Variants in STARD13 observed in about 807,000 individuals in gnomAD.
STARD13 encodes StAR related lipid transfer domain containing 13.
In STARD13, 62 loss-of-function variants were observed where a neutral mutation model predicts 106.4. That is an observed-to-expected ratio of 0.58 (90% CI 0.48 to 0.72). The LOEUF is 0.72. STARD13 is among the 30% of genes least tolerant of loss of function. The pLI, the probability that STARD13 is intolerant of heterozygous loss-of-function variation, is 0.00. For missense variants in STARD13, 1,387 were observed against 1,424.0 expected (o/e 0.97, Z 0.42); for synonymous variants, 565 against 553.0 (o/e 1.02, Z -0.31).
intron 1 of STARD13, among the ~76,000 whole-genome samples, chr13:33,233,312 C>G (rs149535536): frequency 6.6e-6 from 1 of 152,202 alleles, no homozygotes; most frequent in South Asian, 2.1e-4. Flanking sequence ...GTCAGGCCCA[C>G]CTTTGAGTGG....
chr13:33,626,474 T>A, the STARD13 span, among the ~76,000 whole-genome samples: 1 of 152,192 alleles, frequency 6.6e-6, no homozygotes, highest in Non-Finnish European at 1.5e-5. Context: ...ACCTACCTTA[T>A]TATCTATCTC....
the STARD13 span, among the ~76,000 whole-genome samples, chr13:33,404,039 A>G: frequency 6.6e-6 from 1 of 152,184 alleles, no homozygotes; most frequent in African/African-American, 2.4e-5. Flanking sequence ...TTTCATCGTT[A>G]GTTTAATAGC....
chr13:33,405,656 A>G, the STARD13 span, among the ~76,000 whole-genome samples: 1 of 152,276 alleles, frequency 6.6e-6, no homozygotes, highest in Admixed American at 6.5e-5. Context: ...GCAGCCTTCC[A>G]TTCCATGGTT....
At chr13:33,355,577 C>G (rs151039789), upstream of STARD13, 67 of 152,308 alleles carry the variant, frequency 4.4e-4, no homozygotes, top group African/African-American at 1.3e-3. Context: ...GCTCTCGCAA[C>G]TCTCTCCCTG....
At chr13:33,306,082 C>G (rs1173954834) in intron 1 of STARD13, among the ~76,000 whole-genome samples, 1 of 152,130 alleles carries the variant, frequency 6.6e-6, no homozygotes, top group African/African-American at 2.4e-5. Context: ...AACTATACTA[C>G]AAGGCTACAG....
rs1874809228 is a variant in STARD13 at position 33,112,819 on chromosome 13, G to T, written c.2394C>A (p.Asn798Lys). Residue 798 changes from asparagine to lysine, a missense_variant, in exon 9 of 14, where the codon AAC (asparagine) becomes AAA (lysine). Coordinates refer to ENST00000336934, the MANE Select transcript of STARD13 (RefSeq NM_178006.4). ...GCGTCATCTGATTCTCTTCCACCAA[G>T]TTGACGACGTCGTTCAGGAAACACA... ...TLLCFLNDVVNLVEENQMTPM... is the reference protein window; with the variant it reads ...TLLCFLNDVVKLVEENQMTPM... The T allele has an allele frequency of 6.2e-7, 1 of 1,613,858 alleles. No homozygotes were observed. The highest frequency in any genetic ancestry group is 1.1e-5 in the South Asian group (1 of 90,970).
rs368717673 is a variant in STARD13, at chr13:33,167,613, G to A, written c.179C>T (p.Ala60Val). ...LVTKIQQEIE[A>V]KEACDWLRAA... ...ACGGAGCCAGTCACATGCTTCTTTTGCCTCAATTTCTGAAAAACACAAGAG... is the reference window on the plus strand; with the variant it reads ...ACGGAGCCAGTCACATGCTTCTTTTACCTCAATTTCTGAAAAACACAAGAG... Residue 60 changes from alanine (A) to valine (V), a missense_variant, in exon 2 of 14, where the codon GCA becomes GTA. By Grantham distance (64) the Ala-to-Val change is moderately conservative (BLOSUM62 0). Transcript: ENST00000336934. 8.7e-6 allele frequency: 14 copies of A among 1,614,100 alleles called. No individual in the cohort carries two copies. In the African/African-American group the frequency reaches 1.9e-4, roughly 22 times the overall value.
At chr13:33,318,729 C>CA (rs200287775) in intron 1 of STARD13, among the ~76,000 whole-genome samples, 6 of 148,800 alleles carry the variant, frequency 4.0e-5, no homozygotes, top group Middle Eastern at 3.2e-3. Context: ...GATAAAAAGA[C>CA]AAAAAAAAAG....
upstream of STARD13, among the ~76,000 whole-genome samples, chr13:33,290,143 T>C (rs1892237440): frequency 6.6e-6 from 1 of 152,198 alleles, no homozygotes; most frequent in Admixed American, 6.5e-5. Flanking sequence ...GGAGTGCTTT[T>C]ACAGAAGCCA....
rs557064750 is a variant in STARD13, at chr13:33,159,653, G to A, written c.323+5684C>T. Among the ~76,000 whole-genome samples, 34 of 152,298 alleles carry A rather than the reference G, an allele frequency of 2.2e-4. 2 individuals carry two copies. In the South Asian group the frequency reaches 6.4e-3, roughly 29 times the overall value. On this transcript the variant is annotated intron_variant, in intron 3 of 13. Transcript: ENST00000336934. ...CAAAGCTACTAGAACTCATGAGTGA[G>A]TTTTAGAAAGATTGCAGGATACAAA...
the STARD13 span, among the ~76,000 whole-genome samples, chr13:33,539,844 G>A: frequency 2.0e-5 from 3 of 152,210 alleles, no homozygotes; most frequent in Non-Finnish European, 4.4e-5. Flanking sequence ...ACAAACAAAA[G>A]CTGCTCTTTA....
At chr13:33,452,648 C>G in the STARD13 span, among the ~76,000 whole-genome samples, 1 of 152,148 alleles carries the variant, frequency 6.6e-6, no homozygotes, top group African/African-American at 2.4e-5. Context: ...TTAGGCAACT[C>G]TTCTCCATTG....
the STARD13 span, among the ~76,000 whole-genome samples, chr13:33,369,978 A>G: frequency 1.3e-5 from 2 of 152,234 alleles, no homozygotes; most frequent in Non-Finnish European, 2.9e-5. Flanking sequence ...TGGAAGCTAC[A>G]TGATAAAGTA....
At chr13:33,600,784 T>G in the STARD13 span, among the ~76,000 whole-genome samples, 9 of 152,348 alleles carry the variant, frequency 5.9e-5, no homozygotes, top group East Asian at 1.5e-3. Context: ...ATTTCATATG[T>G]GTGTGACCAT....
At chr13:33,608,081 A>AT in the STARD13 span, among the ~76,000 whole-genome samples, 2 of 151,780 alleles carry the variant, frequency 1.3e-5, no homozygotes, top group Non-Finnish European at 2.9e-5. Context: ...TTTTTTTCTT[A>AT]TTTTTTGTAG....
chr13:33,514,396 G>A, the STARD13 span, among the ~76,000 whole-genome samples: 2 of 152,086 alleles, frequency 1.3e-5, no homozygotes, highest in African/African-American at 2.4e-5. Flanking sequence ...AAGGAAGGAC[G>A]GCCATGGGGT....
the STARD13 span, among the ~76,000 whole-genome samples, chr13:33,411,282 C>T: frequency 2.6e-5 from 4 of 152,128 alleles, no homozygotes. Flanking sequence ...GGACAGATAA[C>T]AGGCAGAAAC....
the STARD13 span, among the ~76,000 whole-genome samples, chr13:33,580,599 C>T: frequency 2.0e-5 from 3 of 151,772 alleles, no homozygotes; most frequent in Non-Finnish European, 2.9e-5. Flanking sequence ...ATGTACCACA[C>T]GAATAAAATA....
At chr13:33,119,460 T>C (rs538657289) in intron 7 of STARD13, among the ~76,000 whole-genome samples, 1 of 152,156 alleles carries the variant, frequency 6.6e-6, no homozygotes, top group Non-Finnish European at 1.5e-5. Context: ...GATCACTCTG[T>C]GTGCCAGGCC....
Sources: allele counts gnomAD v4.1 joint callset (sites outside exome capture counted in the v4.1 genomes callset), GRCh38; gene constraint gnomAD v4.1.1; transcripts MANE v1.5; gene names NCBI Gene and HGNC (gene_info 2026-07-23, HGNC 2026-07-21).